VPS13A: variants seen among roughly 807,000 people sequenced by gnomAD.
VPS13A encodes the protein vacuolar protein sorting 13 homolog A.
A neutral mutation model predicts 390.9 loss-of-function variants in VPS13A; 264 were observed. The observed-to-expected ratio is 0.68, with a 90% CI of 0.61 to 0.75. The LOEUF (loss-of-function observed/expected upper bound fraction) is 0.75. Among genes scored for constraint, VPS13A ranks in the 30% least tolerant of loss-of-function variants. The probability of loss-of-function intolerance (pLI) is 0.00; values close to 1 mark genes in which losing one functional copy is unlikely to be tolerated. For synonymous variants in VPS13A, 1,231 were observed against 1,227.1 expected, an observed-to-expected ratio of 1.00 and a Z score of -0.07; for missense variants, 3,409 against 3,733.9, an observed-to-expected ratio of 0.91 and a Z score of 2.27.
intron 1 of VPS13A, among the ~76,000 whole-genome samples, chr9:77,179,925 G>GT (rs1334948145): frequency 2.6e-5 from 4 of 151,984 alleles, no homozygotes; most frequent in African/African-American, 9.7e-5. Flanking sequence ...TATGGATTTG[G>GT]TAATTCTGGA....
intron 71 of VPS13A, among the ~76,000 whole-genome samples, chr9:77,414,968 A>G (rs562170264): frequency 2.6e-5 from 4 of 152,278 alleles, no homozygotes; most frequent in African/African-American, 7.2e-5. Context: ...ACCTTGGACC[A>G]GTTAACATGT....
chr9:77,228,070 A>G, intron 16 of VPS13A, 52 bp from the exon 17 acceptor site: 5 of 1,274,544 alleles, frequency 3.9e-6, no homozygotes. Flanking sequence ...AATATTTGTT[A>G]TGCTTATATA....
intron 23 of VPS13A, among the ~76,000 whole-genome samples, chr9:77,272,624 G>T (rs982832077): frequency 6.6e-6 from 1 of 152,108 alleles, no homozygotes; most frequent in Admixed American, 6.6e-5. Flanking sequence ...AGGGGTAAAC[G>T]ATGCATTATT....
chr9:77,345,243 G>A lies in VPS13A; in HGVS notation c.7289+101G>A, dbSNP rs1831085734. 7 of 1,267,662 alleles carry A rather than the reference G, an allele frequency of 5.5e-6. No homozygotes were observed. The South Asian group carries it at 7.5e-5, about 14-fold the overall frequency. 78.5% of individuals were successfully genotyped at this position (1,267,662 alleles called of 1,614,324 possible). ...CTTAAGAGTATAAACACTGATAATAGCATTGTAGCTGTGTAAAACAGTGTT... is the reference window on the plus strand; with the variant it reads ...CTTAAGAGTATAAACACTGATAATAACATTGTAGCTGTGTAAAACAGTGTT... On this transcript the variant is annotated intron_variant, in intron 52 of 71. Transcript: ENST00000360280.
At chr9:77,367,029 C>T (rs570989683) in intron 61 of VPS13A, among the ~76,000 whole-genome samples, 157 bp downstream of exon 61, 5 of 152,222 alleles carry the variant, frequency 3.3e-5, no homozygotes, top group South Asian at 2.1e-4. Flanking sequence ...ATAACACCAA[C>T]GTATGATTTG....
At chr9:77,383,461 A>T (rs1317332412) in intron 68 of VPS13A, among the ~76,000 whole-genome samples, 1 of 152,024 alleles carries the variant, frequency 6.6e-6, no homozygotes, top group Admixed American at 6.6e-5. Flanking sequence ...TTTCTACCCA[A>T]TACCTGCCTT....
At position 77,283,643 on chromosome 9, in the gene VPS13A, A is replaced by G. The variant is rs1416733218; in HGVS notation, c.3332A>G (p.Tyr1111Cys). 3 of 1,600,728 alleles carry G rather than the reference A, an allele frequency of 1.9e-6. No homozygotes were observed. Among genetic ancestry groups the G allele is most frequent in the Non-Finnish European group, 2.6e-6 (3 of 1,169,578 alleles). The change falls in exon 31 of 72, where the codon TAC becomes TGC. Residue 1111 changes from tyrosine to cysteine, a missense_variant. By Grantham distance (194) the Tyr-to-Cys change is radical (BLOSUM62 -2). This residue lies in a region of VPS13A where 2,717 missense variants were observed against 2,917.4 expected (regional missense o/e 0.93). Transcript: ENST00000360280. ...IVLDSDITAI[Y>C]KKAVYITGKE... is the part of the protein sequence containing the mutation. ...TTAGATTCTGATATAACAGCTATAT[A>G]CAAAAAGGTAAGAATTCTTTTAATT...
chr9:77,214,178 A>T (rs1190803242), intron 9 of VPS13A, 151 bp from the exon 10 acceptor site: 3 of 655,042 alleles, frequency 4.6e-6, no homozygotes, highest in African/African-American at 3.6e-5. Flanking sequence ...CGGGAGGCTG[A>T]GGCAGGAGAA....
chr9:77,391,494 A>G (rs766156663), intron 68 of VPS13A, among the ~76,000 whole-genome samples: 11 of 152,144 alleles, frequency 7.2e-5, no homozygotes, highest in Non-Finnish European at 1.6e-4. Flanking sequence ...TGTTTTTGTC[A>G]GTTAAGAATC....
chr9:77,326,712 G>A (rs1830034408), intron 45 of VPS13A, among the ~76,000 whole-genome samples: 1 of 151,938 alleles, frequency 6.6e-6, no homozygotes. Context: ...TTGTTTTATT[G>A]ATGTTTCTTT....
rs753661395 is a variant in VPS13A, at chr9:77,238,182, A to G, written c.1776A>G (p.Ile592Met). Residue 592 changes from isoleucine to methionine, a missense_variant, in exon 18 of 72, where the codon ATA becomes ATG. Around this residue, in one of 5 missense-constraint regions of VPS13A, gnomAD observed 2,717 missense variants for 2,917.4 expected, o/e 0.93. Transcript: ENST00000360280. The part of the protein sequence containing the change: ...CIIEAEPLEI[I>M]YDARTVNSIV... Reference sequence around the variant, plus strand: ...TAGAAGCTGAACCTTTAGAAATCATATATGATGCAGTAAGCATTTTTTTAA... The same window carrying G: ...TAGAAGCTGAACCTTTAGAAATCATGTATGATGCAGTAAGCATTTTTTTAA... 1.3e-5 allele frequency: 21 copies of G among 1,613,072 alleles called. No individual in the cohort carries two copies. The highest frequency in any genetic ancestry group is 1.2e-4 in the South Asian group (11 of 90,972).
chr9:77,408,470 G>A (rs1834735234), intron 71 of VPS13A, among the ~76,000 whole-genome samples: 1 of 152,250 alleles, frequency 6.6e-6, no homozygotes. Flanking sequence ...AGCGCACCGA[G>A]CGTGAGCCAA....
chr9:77,297,614 A>G (rs1293735199), intron 33 of VPS13A, among the ~76,000 whole-genome samples: 1 of 151,536 alleles, frequency 6.6e-6, no homozygotes, highest in Non-Finnish European at 1.5e-5. Flanking sequence ...GGAGTGTTAA[A>G]CCATTCATGT....
Position 77,339,891 on chromosome 9 carries a change from C to G in VPS13A, c.6754C>G (p.His2252Asp). ...KPVLFSFQPN[H>D]FFNNNKVQLM... The stretch of plus-strand genomic sequence containing the variant: ...AGTTCTCTTTTCTTTTCAGCCAAAT[C>G]ACTTTTTTAATAACAATAAGGTATG... Residue 2252 changes from histidine (H) to aspartate (D), a missense_variant, in exon 48 of 72, where the codon CAC (histidine) becomes GAC (aspartate). Transcript: ENST00000360280. The G allele has an allele frequency of 6.2e-7, 1 of 1,611,728 alleles. No individual in the cohort carries two copies. The highest frequency in any genetic ancestry group is 8.5e-7 in the Non-Finnish European group (1 of 1,179,876).
In VPS13A at chr9:77,275,753, C is replaced by A. The variant is rs895542234; in HGVS notation, c.2667+101C>A. The stretch of plus-strand genomic sequence containing the variant: ...TTGTTAAGAAGCACTATCTTTTTCA[C>A]CCTAATTAAAGTAATTCCAGACTTG... On this transcript the variant is annotated intron_variant, in intron 25 of 71. Transcript: ENST00000360280. 5.9e-6 allele frequency: 8 copies of A among 1,359,308 alleles called. No individual in the cohort carries two copies. In the African/African-American group the frequency reaches 1.0e-4, roughly 17 times the overall value. The allele number at this position is 1,359,308 out of a possible 1,614,324, so 84.2% of individuals were successfully genotyped here.
intron 59 of VPS13A, among the ~76,000 whole-genome samples, chr9:77,363,740 G>A (rs1290308548): frequency 6.6e-6 from 1 of 152,128 alleles, no homozygotes; most frequent in East Asian, 1.9e-4. Context: ...TTTCCTTTTA[G>A]TTGTCTTTCA....
intron 21 of VPS13A, among the ~76,000 whole-genome samples, chr9:77,250,778 A>T (rs527981049): frequency 3.3e-4 from 50 of 152,300 alleles, no homozygotes; most frequent in African/African-American, 1.2e-3. Flanking sequence ...ACCAGTCAGG[A>T]GTCTGATTTA....
intron 59 of VPS13A, among the ~76,000 whole-genome samples, chr9:77,362,737 A>G (rs1832211010): frequency 6.6e-6 from 1 of 152,196 alleles, no homozygotes; most frequent in African/African-American, 2.4e-5. Flanking sequence ...TAGGTCTTTC[A>G]GTCCTTGCAC....
intron 50 of VPS13A, 45 bp downstream of exon 50, chr9:77,340,595 T>C (rs1483863119): frequency 6.2e-7 from 1 of 1,609,168 alleles, no homozygotes; most frequent in East Asian, 2.2e-5. Context: ...GATTCTATTT[T>C]CTCCTTGAAG....
Sources: gnomAD v4.1 joint callset for allele counts (sites outside exome capture counted in the v4.1 genomes callset) on GRCh38, gnomAD v4.1.1 for gene constraint, gnomAD v4.1.1 regional missense constraint, MANE v1.5 for transcripts, NCBI Gene and HGNC (gene_info 2026-07-23, HGNC 2026-07-21) for gene names.